ZBED5: variants seen among roughly 807,000 people sequenced by gnomAD.
ZBED5 encodes zinc finger BED-type containing 5, also known as zinc finger BED domain-containing protein 5.
In ZBED5, 29 loss-of-function variants were observed where a neutral mutation model predicts 49.2. That is an observed-to-expected ratio of 0.59 (90% CI 0.44 to 0.80). The LOEUF (loss-of-function observed/expected upper bound fraction) is 0.80, where lower values mean the gene tolerates loss of function less well. Ranked by LOEUF, ZBED5 falls within the 30% of genes least tolerant of loss-of-function variation. The probability of loss-of-function intolerance (pLI) is 0.00; values close to 1 mark genes in which losing one functional copy is unlikely to be tolerated. For missense variants in ZBED5, 775 were observed against 812.9 expected, an observed-to-expected ratio of 0.95 and a Z score of 0.57; for synonymous variants, 281 against 292.5, an observed-to-expected ratio of 0.96 and a Z score of 0.40.
Position 10,853,187 on chromosome 11 carries a change from A to G in ZBED5, c.1759T>C (p.Leu587=). The G allele has an allele frequency of 6.4e-7, 1 of 1,551,670 alleles. No individual in the cohort carries two copies. Among genetic ancestry groups the G allele is most frequent in the African/African-American group, 1.4e-5 (1 of 73,166 alleles). ...AGGCTCTCATAGTCCCGTGCTACTA[A>G]TGAAGCTGGTTTAACAGTAACTGTA... ...PFTVTVKPAS[L]VARDYESLID... is the part of the protein sequence containing the mutation. Residue 587 remains leucine (L), a synonymous_variant, in exon 3 of 3, where the codon TTA becomes CTA. Coordinates refer to ENST00000413761, the MANE Select transcript of ZBED5 (RefSeq NM_001143667.2). The surrounding 1 kb of genome is among the most constrained non-coding windows in gnomAD (Gnocchi z 5.4).
At chr11:10,856,836 C>T (rs530832768) in intron 1 of ZBED5, among the ~76,000 whole-genome samples, 1 of 152,194 alleles carries the variant, frequency 6.6e-6, no homozygotes, top group Non-Finnish European at 1.5e-5. Flanking sequence ...GCTAACACCT[C>T]TTGTAAGTGA....
In ZBED5 at chr11:10,854,544, T is replaced by A. The variant is rs774157567; in HGVS notation, c.402A>T (p.Leu134Phe). Reference protein sequence around the residue: ...NRDAPHAQCVLCKKILSNSSL... With the variant: ...NRDAPHAQCVFCKKILSNSSL... Reference sequence around the variant, plus strand: ...AGCTATTTGATAAAATTTTCTTACATAATACACACTGAGCATGAGGTGCAT... The same window carrying A: ...AGCTATTTGATAAAATTTTCTTACAAAATACACACTGAGCATGAGGTGCAT... Residue 134 changes from leucine to phenylalanine, a missense_variant, in exon 3 of 3, where the codon TTA becomes TTT. Coordinates refer to ENST00000413761, the MANE Select transcript of ZBED5 (RefSeq NM_001143667.2). The surrounding 1 kb of genome is among the most constrained non-coding windows in gnomAD (Gnocchi z 5.0). The A allele has an allele frequency of 6.4e-7, 1 of 1,551,546 alleles. No individual in the cohort carries two copies. The highest frequency in any genetic ancestry group is 1.2e-5 in the South Asian group (1 of 84,060).
In ZBED5 at chr11:10,853,330, G is replaced by A. The variant is rs546190220; in HGVS notation, c.1616C>T (p.Ser539Phe). 12 of 1,551,482 alleles carry A rather than the reference G, an allele frequency of 7.7e-6. No homozygotes were observed. In the East Asian group the frequency reaches 2.4e-4, roughly 32 times the overall value. ...ACTGCAAATATCTTTATCAACTGTA[G>A]AATTAATTTCAGTCAAAAAATCACT... ...TLSDFLTEIN[S>F]TVDKDICSAI... Residue 539 changes from serine (S) to phenylalanine (F), a missense_variant, in exon 3 of 3, where the codon TCT (serine) becomes TTT (phenylalanine). By Grantham distance (155) the Ser-to-Phe change is radical (BLOSUM62 -2). Transcript: ENST00000413761. This position sits in a 1 kb window ranked among gnomAD's most constrained non-coding sequence, Gnocchi z 5.4.
At position 10,854,356 on chromosome 11, in the gene ZBED5, G is replaced by A. The variant is rs992451537; in HGVS notation, c.590C>T (p.Ser197Leu). 1 of 1,550,680 alleles carries A rather than the reference G, an allele frequency of 6.4e-7. No individual in the cohort carries two copies. Among genetic ancestry groups the A allele is most frequent in the Admixed American group, 2.0e-5 (1 of 50,998 alleles). ...CGCTATATGGTAACTTACATTGTAT[G>A]ATGCTTCTGTAGCACTTTCATTATC... is the stretch of plus-strand genomic sequence containing the variant. ...NTDNESATEA[S>L]YNVSYHIALS... The change falls in exon 3 of 3, where the codon TCA (serine) becomes TTA (leucine). Residue 197 changes from serine (S) to leucine (L), a missense_variant. By Grantham distance (145) the Ser-to-Leu change is moderately radical. Coordinates refer to ENST00000413761, the MANE Select transcript of ZBED5 (RefSeq NM_001143667.2). The surrounding 1 kb of genome is among the most constrained non-coding windows in gnomAD (Gnocchi z 5.0).
Position 10,855,108 on chromosome 11 carries a change from AAAAAT to A in ZBED5, c.-141-27_-141-23del. 1.2e-6 allele frequency: 1 copy of A among 809,094 alleles called. No homozygotes were observed. Among genetic ancestry groups the A allele is most frequent in the Non-Finnish European group, 1.9e-6 (1 of 539,386 alleles). 50.1% of individuals were successfully genotyped at this position (809,094 alleles called of 1,614,324 possible). On this transcript the variant is annotated intron_variant, in intron 2 of 2. Coordinates refer to ENST00000413761, the MANE Select transcript of ZBED5 (RefSeq NM_001143667.2). The surrounding 1 kb of genome is among the most constrained non-coding windows in gnomAD (Gnocchi z 4.1). ...TTTTCTTAAAGGTAGATTATCACAT[AAAAAT>A]AAAAGCTATAGAAATGAGTTTAGCA...
At chr11:10,856,032 A>G (rs1848176005) in intron 2 of ZBED5, 112 bp downstream of exon 2, 1 of 152,216 alleles carries the variant, frequency 6.6e-6, no homozygotes. Flanking sequence ...CTGTCCAAAT[A>G]TAGCTACTTT....
At chr11:10,856,920 T>A (rs1163331817) in intron 1 of ZBED5, among the ~76,000 whole-genome samples, 2 of 152,226 alleles carry the variant, frequency 1.3e-5, no homozygotes, top group Non-Finnish European at 2.9e-5. Flanking sequence ...TGTTCCTGAA[T>A]ACTTTTAATT....
chr11:10,854,017 G>T lies in ZBED5; in HGVS notation c.929C>A (p.Ser310Tyr), dbSNP rs1848142489. Residue 310 changes from serine (S) to tyrosine (Y), a missense_variant, in exon 3 of 3, where the codon TCT becomes TAT. Physicochemically the swap from Ser to Tyr is moderately radical, Grantham distance 144 (BLOSUM62 -2). Coordinates refer to ENST00000413761, the MANE Select transcript of ZBED5 (RefSeq NM_001143667.2). This position sits in a 1 kb window ranked among gnomAD's most constrained non-coding sequence, Gnocchi z 5.0. Reference sequence around the variant, plus strand: ...TTCACCGGTAGCATTACTTTGCAAAGATTCACACAGGAGTAGGTCTTCCTC... The same window carrying T: ...TTCACCGGTAGCATTACTTTGCAAATATTCACACAGGAGTAGGTCTTCCTC... ...SIEEDLLLCESLQSNATGEEI... is the reference protein window; with the variant it reads ...SIEEDLLLCEYLQSNATGEEI... 6.4e-7 allele frequency: 1 copy of T among 1,551,278 alleles called. No individual in the cohort carries two copies. Among genetic ancestry groups the T allele is most frequent in the African/African-American group, 1.4e-5 (1 of 72,936 alleles).
In ZBED5 at chr11:10,855,039, T is replaced by C; in HGVS notation, c.-94A>G. 2.8e-6 allele frequency: 4 copies of C among 1,428,846 alleles called. No homozygotes were observed. The highest frequency in any genetic ancestry group is 1.5e-5 in the South Asian group (1 of 68,114). 88.5% of individuals were successfully genotyped at this position (1,428,846 alleles called of 1,614,324 possible). ...GAACATCATACGTTCATGTATCAGGTGATCTCTCATGCGACTTCCTGGTGC... is the reference window on the plus strand; with the variant it reads ...GAACATCATACGTTCATGTATCAGGCGATCTCTCATGCGACTTCCTGGTGC... On this transcript the variant is annotated 5_prime_UTR_variant, in exon 3 of 3. Coordinates refer to ENST00000413761, the MANE Select transcript of ZBED5 (RefSeq NM_001143667.2). This position sits in a 1 kb window ranked among gnomAD's most constrained non-coding sequence, Gnocchi z 4.1.
rs970722107 is a variant in ZBED5, at chr11:10,854,130, C to T, written c.816G>A (p.Gly272=). The change falls in exon 3 of 3, where the codon GGG becomes GGA. Residue 272 remains glycine (G), a synonymous_variant. Transcript: ENST00000413761. This position sits in a 1 kb window ranked among gnomAD's most constrained non-coding sequence, Gnocchi z 5.0. ...CTGATTCATCTAGTTGCAGTGAAAACCCATCGCAAATTTTCAGTCTACAAA... is the reference window on the plus strand; with the variant it reads ...CTGATTCATCTAGTTGCAGTGAAAATCCATCGCAAATTTTCAGTCTACAAA... The part of the protein sequence containing the change: ...ELVCRLKICD[G]FSLQLDESAD... 6 of 1,550,718 alleles carry T rather than the reference C, an allele frequency of 3.9e-6. No homozygotes were observed. The highest frequency in any genetic ancestry group is 5.2e-6 in the Non-Finnish European group (6 of 1,146,492).
In ZBED5 at chr11:10,853,344, C is replaced by CA. The variant is rs1361263204; in HGVS notation, c.1601dup (p.Leu534PhefsTer3). 6.4e-7 allele frequency: 1 copy of CA among 1,551,188 alleles called. No individual in the cohort carries two copies. The highest frequency in any genetic ancestry group is 8.7e-7 in the Non-Finnish European group (1 of 1,146,870). ...TATCAACTGTAGAATTAATTTCAGT[C>CA]AAAAAATCACTGAGTGTAGGAAAAC... On this transcript the variant is annotated frameshift_variant, in exon 3 of 3. Transcript: ENST00000413761. LOFTEE classifies it high-confidence loss of function. The surrounding 1 kb of genome is among the most constrained non-coding windows in gnomAD (Gnocchi z 5.4).
At position 10,855,063 on chromosome 11, in the gene ZBED5, G is replaced by A. The variant is rs1473348215; in HGVS notation, c.-118C>T. The A allele has an allele frequency of 3.9e-6, 5 of 1,277,842 alleles. No individual in the cohort carries two copies. The highest frequency in any genetic ancestry group is 5.3e-6 in the Non-Finnish European group (5 of 942,380). The allele number at this position is 1,277,842 out of a possible 1,614,324, so 79.2% of individuals were successfully genotyped here. ...GTGATCTCTCATGCGACTTCCTGGT[G>A]CTCTCAGGTATGGTACACCTTTTCT... On this transcript the variant is annotated 5_prime_UTR_variant, in exon 3 of 3. Coordinates refer to ENST00000413761, the MANE Select transcript of ZBED5 (RefSeq NM_001143667.2). The surrounding 1 kb of genome is among the most constrained non-coding windows in gnomAD (Gnocchi z 4.1).
rs1386086256 is a variant in ZBED5 at position 10,853,053 on chromosome 11, T to C, written c.1893A>G (p.Ala631=). ...TAGCAAAAGGAAGAAGTACACGCAC[T>C]GCACGCCTTGCAATGCTTGGGTATT... is the stretch of plus-strand genomic sequence containing the variant. ...IQEYPSIARR[A]VRVLLPFATM... is the part of the protein sequence containing the mutation. The change falls in exon 3 of 3, where the codon GCA becomes GCG. Residue 631 remains alanine, a synonymous_variant. Transcript: ENST00000413761. The surrounding 1 kb of genome is among the most constrained non-coding windows in gnomAD (Gnocchi z 5.4). 6.4e-7 allele frequency: 1 copy of C among 1,551,600 alleles called. No individual in the cohort carries two copies. The highest frequency in any genetic ancestry group is 2.0e-5 in the Admixed American group (1 of 51,010).
In ZBED5 at chr11:10,853,824, T is replaced by A. The variant is rs1307756533; in HGVS notation, c.1122A>T (p.Leu374Phe). The change falls in exon 3 of 3, where the codon TTA (leucine) becomes TTT (phenylalanine). Residue 374 changes from leucine (L) to phenylalanine (F), a missense_variant. Coordinates refer to ENST00000413761, the MANE Select transcript of ZBED5 (RefSeq NM_001143667.2). This position sits in a 1 kb window ranked among gnomAD's most constrained non-coding sequence, Gnocchi z 5.4. The stretch of plus-strand genomic sequence containing the variant: ...TTTTAACTGCCAGTGCATGTCTGTA[T>A]AATAGGCAGTGACTACTGGTGCTTT... ...APESTSSHCLLYRHALAVKIM... is the reference protein window; with the variant it reads ...APESTSSHCLFYRHALAVKIM... 17 of 1,551,548 alleles carry A rather than the reference T, an allele frequency of 1.1e-5. No individual in the cohort carries two copies. The highest frequency in any genetic ancestry group is 3.6e-5 in the South Asian group (3 of 84,068).
intron 1 of ZBED5, among the ~76,000 whole-genome samples, chr11:10,856,744 T>C (rs76417104): frequency 0.032 from 4,887 of 152,288 alleles, 100 homozygotes; most frequent in Non-Finnish European, 0.048. Flanking sequence ...AAATCCCTCA[T>C]ATAGATTATC....
chr11:10,858,013 T>C lies in ZBED5; in HGVS notation c.-407A>G. ...GCTCAGGGATATCGCCTAGGCCATC[T>C]CCATAGAGATCCGATTCGCGGCTGG... is the stretch of plus-strand genomic sequence containing the variant. On this transcript the variant is annotated 5_prime_UTR_variant, in exon 1 of 3. Coordinates refer to ENST00000413761, the MANE Select transcript of ZBED5 (RefSeq NM_001143667.2). 3.5e-6 allele frequency: 1 copy of C among 286,196 alleles called. No homozygotes were observed. Among genetic ancestry groups the C allele is most frequent in the Non-Finnish European group, 6.5e-6 (1 of 154,768 alleles). 17.7% of individuals were successfully genotyped at this position (286,196 alleles called of 1,614,324 possible).
At position 10,852,810 on chromosome 11, in the gene ZBED5, C is replaced by G. The variant is rs1457569951; in HGVS notation, c.*54G>C. The G allele has an allele frequency of 6.3e-6, 9 of 1,430,688 alleles. No individual in the cohort carries two copies. 88.6% of individuals were successfully genotyped at this position (1,430,688 alleles called of 1,614,324 possible). ...AAATACCAGAGATGAAGTAAATCAT[C>G]TTTTATTTTCATCTTACATTTGGTT... On this transcript the variant is annotated 3_prime_UTR_variant, in exon 3 of 3. Transcript: ENST00000413761.
Position 10,852,873 on chromosome 11 carries a change from A to T in ZBED5, c.2073T>A (p.Cys691Ter). The change falls in exon 3 of 3, where the codon TGT (cysteine) becomes TGA (stop). Residue 691 changes from cysteine to a stop codon, truncating the protein, a stop_gained. Coordinates refer to ENST00000413761, the MANE Select transcript of ZBED5 (RefSeq NM_001143667.2). LOFTEE classifies it high-confidence loss of function. ...GCAAACTCCTCCAATTTTAATGAGA[A>T]CAGTGTTTTTGTGTCTTTTTATCAC... ...RICDKKTQKH[C>*]SH 6.5e-7 allele frequency: 1 copy of T among 1,532,080 alleles called. No homozygotes were observed. Among genetic ancestry groups the T allele is most frequent in the Non-Finnish European group, 8.8e-7 (1 of 1,132,000 alleles). The allele number at this position is 1,532,080 out of a possible 1,614,324, so 94.9% of individuals were successfully genotyped here.
Position 10,853,534 on chromosome 11 carries a change from A to G in ZBED5, c.1412T>C (p.Leu471Pro). 6.5e-7 allele frequency: 1 copy of G among 1,549,970 alleles called. No individual in the cohort carries two copies. Among genetic ancestry groups the G allele is most frequent in the South Asian group, 1.2e-5 (1 of 83,820 alleles). ...ATCTGCAAGATATGCAAGTCTTAGC[A>G]GCCAAGATGAATTTGTTAAACAATC... The part of the protein sequence containing the change: ...LSDCLTNSSW[L>P]LRLAYLADIF... The change falls in exon 3 of 3, where the codon CTG (leucine) becomes CCG (proline). Residue 471 changes from leucine to proline, a missense_variant. By Grantham distance (98) the Leu-to-Pro change is moderately conservative. Transcript: ENST00000413761. This position sits in a 1 kb window ranked among gnomAD's most constrained non-coding sequence, Gnocchi z 5.4.
Sources: allele counts gnomAD v4.1 joint callset (sites outside exome capture counted in the v4.1 genomes callset), GRCh38; gene constraint gnomAD v4.1.1; non-coding constraint Gnocchi (gnomAD v3.1); transcripts MANE v1.5; gene names NCBI Gene and HGNC (gene_info 2026-07-23, HGNC 2026-07-21).